Variants in PTPRG observed in about 807,000 individuals in gnomAD.
PTPRG encodes receptor-type tyrosine-protein phosphatase gamma.
Under a neutral mutation model 165.3 loss-of-function variants are expected in PTPRG, and 102 were observed. The ratio of observed to expected loss-of-function variants is 0.62; its 90% CI spans 0.53 to 0.73. PTPRG has a LOEUF of 0.73. Among genes scored for constraint, PTPRG ranks in the 30% least tolerant of loss-of-function variants. The pLI, the probability that PTPRG is intolerant of heterozygous loss-of-function variation, is 0.00. For synonymous variants in PTPRG, 675 were observed against 669.5 expected, an observed-to-expected ratio of 1.01 and a Z score of -0.13; for missense variants, 1,866 against 1,861.4, an observed-to-expected ratio of 1.00 and a Z score of -0.05.
At chr3:61,935,533 C>T (rs1045208681) in intron 2 of PTPRG, among the ~76,000 whole-genome samples, 7 of 152,098 alleles carry the variant, frequency 4.6e-5, no homozygotes, top group African/African-American at 1.4e-4. Flanking sequence ...GAAACACTAC[C>T]TAAAGCAGTG....
At chr3:62,062,066 G>A (rs1285597710) in intron 4 of PTPRG, among the ~76,000 whole-genome samples, 3 of 151,912 alleles carry the variant, frequency 2.0e-5, no homozygotes, top group East Asian at 2.0e-4. Context: ...TTGGGAGGCC[G>A]AGGCAGGTGG....
chr3:62,291,986 A>G (rs553927261), intron 28 of PTPRG, among the ~76,000 whole-genome samples: 19 of 152,206 alleles, frequency 1.2e-4, no homozygotes, highest in Non-Finnish European at 2.4e-4. Context: ...TAAATTTTTC[A>G]TATTCTGTAA....
At chr3:61,601,333 C>T (rs1700862062) in intron 1 of PTPRG, among the ~76,000 whole-genome samples, 1 of 152,166 alleles carries the variant, frequency 6.6e-6, no homozygotes, top group African/African-American at 2.4e-5. Context: ...ATGCCTGCCT[C>T]CCACCTTTCT....
At chr3:61,746,918 C>T (rs534642596) in intron 1 of PTPRG, among the ~76,000 whole-genome samples, 1 of 152,030 alleles carries the variant, frequency 6.6e-6, no homozygotes, top group Non-Finnish European at 1.5e-5. Context: ...TTTGGGAGGA[C>T]CAGGTGAGAA....
At chr3:61,780,571 A>G (rs1030415351) in intron 2 of PTPRG, among the ~76,000 whole-genome samples, 3 of 152,188 alleles carry the variant, frequency 2.0e-5, no homozygotes, top group Non-Finnish European at 1.5e-5. Flanking sequence ...CAGTGCACAC[A>G]TTCTGAATTG....
At chr3:62,004,878 C>T (rs1268372008) in intron 4 of PTPRG, among the ~76,000 whole-genome samples, 15 of 151,846 alleles carry the variant, frequency 9.9e-5, no homozygotes, top group Admixed American at 8.5e-4. Context: ...CTTGAGACCC[C>T]CTTCACAAAG....
intron 1 of PTPRG, among the ~76,000 whole-genome samples, chr3:61,725,521 CTG>C (rs1251031342): frequency 1.3e-5 from 2 of 152,200 alleles, no homozygotes; most frequent in Non-Finnish European, 2.9e-5. Context: ...TGGCCGTACT[CTG>C]TGGGTCTCCT....
intron 2 of PTPRG, among the ~76,000 whole-genome samples, chr3:61,814,574 A>T (rs571666482): frequency 6.6e-6 from 1 of 152,038 alleles, no homozygotes; most frequent in East Asian, 1.9e-4. Flanking sequence ...AGATTTTCTC[A>T]GACCTCTGGT....
At chr3:61,837,654 G>A (rs900273550) in intron 2 of PTPRG, among the ~76,000 whole-genome samples, 2 of 152,292 alleles carry the variant, frequency 1.3e-5, no homozygotes, top group Non-Finnish European at 2.9e-5. Flanking sequence ...GTCTGTACAC[G>A]TACACATGTA....
intron 1 of PTPRG, among the ~76,000 whole-genome samples, chr3:61,621,143 TA>T (rs372688735): frequency 7.2e-5 from 11 of 151,750 alleles, no homozygotes; most frequent in African/African-American, 2.7e-4. Context: ...CTTAAAAATG[TA>T]AAGCATGAGG....
At chr3:62,073,740 C>A in intron 4 of PTPRG, among the ~76,000 whole-genome samples, 1 of 152,222 alleles carries the variant, frequency 6.6e-6, no homozygotes, top group Admixed American at 6.5e-5. Flanking sequence ...CTTGGCCTCA[C>A]AAAGTGCTGG....
intron 10 of PTPRG, among the ~76,000 whole-genome samples, chr3:62,199,599 T>G (rs1437734595): frequency 6.6e-6 from 1 of 152,214 alleles, no homozygotes; most frequent in Non-Finnish European, 1.5e-5. Context: ...TGTTTTGTTT[T>G]TATAGAAGTT....
At chr3:62,104,165 C>A (rs1263450190) in intron 5 of PTPRG, among the ~76,000 whole-genome samples, 1 of 152,162 alleles carries the variant, frequency 6.6e-6, no homozygotes, top group Non-Finnish European at 1.5e-5. Context: ...GATTTGGAAC[C>A]TTCTAGGGAT....
intron 6 of PTPRG, among the ~76,000 whole-genome samples, chr3:62,138,967 G>A (rs1703823627): frequency 1.3e-5 from 2 of 152,192 alleles, no homozygotes; most frequent in African/African-American, 2.4e-5. Context: ...ATCCTCTTGT[G>A]TCAGTCGTCT....
chr3:62,140,811 C>T (rs1351701862), intron 6 of PTPRG, among the ~76,000 whole-genome samples: 1 of 141,768 alleles, frequency 7.1e-6, no homozygotes, highest in Non-Finnish European at 1.5e-5. Context: ...TAAGCCACTG[C>T]ACTCCAGCTT....
rs546819797 is a variant in PTPRG, at chr3:61,774,863, G to C, written c.190+25881G>C. On this transcript the variant is annotated intron_variant, in intron 2 of 29. Coordinates refer to ENST00000474889, the MANE Select transcript of PTPRG (RefSeq NM_002841.4). ...TAAAACAAGATGGGAATGGACGACTGAGTGACCCAGAGATTGGACTGTGTT... is the reference window on the plus strand; with the variant it reads ...TAAAACAAGATGGGAATGGACGACTCAGTGACCCAGAGATTGGACTGTGTT... Among the ~76,000 whole-genome samples the C allele has an allele frequency of 4.6e-5, 7 of 152,276 alleles. No homozygotes were observed. In the East Asian group the frequency reaches 1.4e-3, roughly 29 times the overall value.
At chr3:61,757,323 C>A (rs942122182) in intron 2 of PTPRG, among the ~76,000 whole-genome samples, 1 of 151,448 alleles carries the variant, frequency 6.6e-6, no homozygotes, top group Non-Finnish European at 1.5e-5. Context: ...TTTCTTCTAC[C>A]AGTAGATTCA....
At chr3:62,136,035 A>G (rs910422091) in intron 6 of PTPRG, among the ~76,000 whole-genome samples, 4 of 152,188 alleles carry the variant, frequency 2.6e-5, no homozygotes, top group African/African-American at 9.7e-5. Flanking sequence ...AGCTCCTCAC[A>G]GCAGCTTGTC....
At chr3:61,564,077 C>G (rs1247830352) in intron 1 of PTPRG, among the ~76,000 whole-genome samples, 1 of 152,224 alleles carries the variant, frequency 6.6e-6, no homozygotes, top group South Asian at 2.1e-4. Context: ...CCACTGGAGT[C>G]CTGCCTCTAC....
Sources: allele counts gnomAD v4.1 joint callset (sites outside exome capture counted in the v4.1 genomes callset), GRCh38; gene constraint gnomAD v4.1.1; transcripts MANE v1.5; gene names NCBI Gene and HGNC (gene_info 2026-07-23, HGNC 2026-07-21).